Variants in ARL15 observed in about 807,000 individuals in gnomAD.
The protein encoded by ARL15 is ADP-ribosylation factor-like protein 15.
In ARL15, 19 loss-of-function variants were observed where a neutral mutation model predicts 25.2. The observed-to-expected ratio is 0.75, with a 90% CI of 0.53 to 1.10. ARL15 has a LOEUF of 1.10. ARL15 is among the 50% of genes least tolerant of loss of function. The pLI is 0.00. For missense variants in ARL15, 220 were observed against 246.0 expected, an observed-to-expected ratio of 0.89 and a Z score of 0.71; for synonymous variants, 94 against 86.8, an observed-to-expected ratio of 1.08 and a Z score of -0.46.
intron 4 of ARL15, among the ~76,000 whole-genome samples, chr5:54,030,568 G>T (rs1236812774): frequency 6.6e-6 from 1 of 152,212 alleles, no homozygotes; most frequent in Non-Finnish European, 1.5e-5. Flanking sequence ...ACAAAGATCT[G>T]AAGCAAGGTA....
chr5:54,134,065 T>C (rs1753520294), intron 3 of ARL15, among the ~76,000 whole-genome samples: 1 of 152,130 alleles, frequency 6.6e-6, no homozygotes, highest in Admixed American at 6.5e-5. Flanking sequence ...CAGATGTAAC[T>C]GCAAAACTGC....
intron 1 of ARL15, chr5:54,282,509 A>C: frequency 2.0e-6 from 2 of 985,426 alleles, no homozygotes; most frequent in Non-Finnish European, 2.4e-6. Context: ...AGGGATAATA[A>C]AGTCTGGGGC....
intron 4 of ARL15, among the ~76,000 whole-genome samples, chr5:53,973,225 C>T (rs1747809335): frequency 7.5e-6 from 1 of 133,744 alleles, no homozygotes; most frequent in Non-Finnish European, 1.7e-5. Context: ...AGTTTTTTAA[C>T]GTCAAAAAAA....
At chr5:53,927,379 G>A (rs1746064530) in intron 4 of ARL15, among the ~76,000 whole-genome samples, 2 of 152,034 alleles carry the variant, frequency 1.3e-5, no homozygotes, top group Non-Finnish European at 2.9e-5. Context: ...ACAGACACAC[G>A]TGCACCACCC....
At chr5:53,925,954 T>G (rs961451147) in intron 4 of ARL15, among the ~76,000 whole-genome samples, 3 of 151,444 alleles carry the variant, frequency 2.0e-5, no homozygotes, top group African/African-American at 4.8e-5. Flanking sequence ...GTCTACCAAT[T>G]ATATATTGTT....
chr5:54,257,802 A>AG (rs1757404542), intron 1 of ARL15, among the ~76,000 whole-genome samples: 1 of 152,198 alleles, frequency 6.6e-6, no homozygotes, highest in African/African-American at 2.4e-5. Context: ...GAGGCAAAAC[A>AG]GGGATAGGTA....
chr5:54,256,413 T>TAA lies in ARL15; in HGVS notation c.48+54017_48+54018dup, dbSNP rs35505658. Among the ~76,000 whole-genome samples, 443 of 99,342 alleles carry TAA rather than the reference T, an allele frequency of 4.5e-3. 8 individuals carry two copies. Among genetic ancestry groups the TAA allele is most frequent in the Middle Eastern group, 8.8e-3 (1 of 114 alleles). The allele number at this position is 99,342 out of a possible 152,430, so 65.2% of individuals were successfully genotyped here. A position where few individuals can be genotyped will look rare whatever the true frequency, so the allele number is the denominator to read the frequency against. ...TACACACAGCAAGATCGAATCAGTT[T>TAA]AAAAAAAAAAAAAAAAAAAAGCCAA... On this transcript the variant is annotated intron_variant, in intron 1 of 4. Transcript: ENST00000504924.
rs967518803 is a variant in ARL15, at chr5:54,107,971, T to C, written c.462+5231A>G. ...GAAAAAACAGTGAGATCAAGGTGGA[T>C]AGACATAGAATCAAGAAAATCAGGT... On this transcript the variant is annotated intron_variant, in intron 4 of 4. Transcript: ENST00000504924. Among the ~76,000 whole-genome samples the C allele has an allele frequency of 2.2e-4, 33 of 152,056 alleles. 2 individuals are homozygous for C. The highest frequency in any genetic ancestry group is 2.0e-3 in the Admixed American group (31 of 15,258).
At chr5:54,033,226 T>C (rs1750049763) in intron 4 of ARL15, among the ~76,000 whole-genome samples, 1 of 151,870 alleles carries the variant, frequency 6.6e-6, no homozygotes, top group Admixed American at 6.6e-5. Flanking sequence ...GGCAGGAGAA[T>C]GGCTTGAACC....
At chr5:53,993,055 A>AG in intron 4 of ARL15, among the ~76,000 whole-genome samples, 1 of 152,114 alleles carries the variant, frequency 6.6e-6, no homozygotes, top group East Asian at 1.9e-4. Flanking sequence ...TCAAAAAAAA[A>AG]AAGAAGTTAA....
At chr5:53,970,323 C>G (rs1747697668) in intron 4 of ARL15, among the ~76,000 whole-genome samples, 1 of 152,028 alleles carries the variant, frequency 6.6e-6, no homozygotes, top group African/African-American at 2.4e-5. Context: ...CAGGAGGGTA[C>G]AAAAAAGTCC....
chr5:54,230,346 G>GAAAAAAAAAAAAAAAGAAAAGAAAAAAAA (rs1756633363), intron 1 of ARL15, among the ~76,000 whole-genome samples: 6 of 91,852 alleles, frequency 6.5e-5, no homozygotes, highest in Non-Finnish European at 6.2e-5. Context: ...TTCCATCTCA[G>GAAAAAAAAAAAAAAAGAAAAGAAAAAAAA]AAAAAAAAAA....
At chr5:53,958,809 C>CAA (rs1342151662) in intron 4 of ARL15, among the ~76,000 whole-genome samples, 1 of 151,462 alleles carries the variant, frequency 6.6e-6, no homozygotes, top group Non-Finnish European at 1.5e-5. Context: ...TTTTACAAGA[C>CAA]AAAAAAAGAT....
intron 4 of ARL15, among the ~76,000 whole-genome samples, chr5:54,078,325 G>T (rs1408344057): frequency 6.6e-6 from 1 of 152,118 alleles, no homozygotes. Context: ...GTAGAACCCA[G>T]GACAAGTCAG....
chr5:54,086,793 T>G (rs1751976533), intron 4 of ARL15, among the ~76,000 whole-genome samples: 1 of 152,326 alleles, frequency 6.6e-6, no homozygotes, highest in Non-Finnish European at 1.5e-5. Context: ...TTCATTTTTC[T>G]AGGCTCTGGG....
chr5:54,173,626 T>C (rs1381846179), intron 1 of ARL15, among the ~76,000 whole-genome samples: 3 of 152,280 alleles, frequency 2.0e-5, no homozygotes, highest in Middle Eastern at 6.8e-3. Flanking sequence ...GCCCAGGCCA[T>C]CATCACCTGA....
intron 1 of ARL15, among the ~76,000 whole-genome samples, chr5:54,281,109 C>T (rs1758051446): frequency 6.6e-6 from 1 of 152,146 alleles, no homozygotes; most frequent in Non-Finnish European, 1.5e-5. Context: ...TGTGCGCTCA[C>T]CATTCAAGTT....
At chr5:53,932,290 T>C (rs996509633) in intron 4 of ARL15, among the ~76,000 whole-genome samples, 2 of 152,158 alleles carry the variant, frequency 1.3e-5, no homozygotes, top group African/African-American at 4.8e-5. Context: ...GAGAAGGCAG[T>C]AGAAAACTAA....
chr5:54,208,362 T>C (rs1451830324), intron 1 of ARL15, among the ~76,000 whole-genome samples: 1 of 152,022 alleles, frequency 6.6e-6, no homozygotes, highest in Non-Finnish European at 1.5e-5. Flanking sequence ...TGCAGAACTA[T>C]ACAATGAGAT....
Sources: gnomAD v4.1 joint callset for allele counts (sites outside exome capture counted in the v4.1 genomes callset) on GRCh38, gnomAD v4.1.1 for gene constraint, MANE v1.5 for transcripts, NCBI Gene and HGNC (gene_info 2026-07-23, HGNC 2026-07-21) for gene names.